ACSL1: variants seen among roughly 807,000 people sequenced by gnomAD.
ACSL1 encodes acyl-CoA synthetase long chain family member 1.
ACSL1 carries 41 observed loss-of-function variants against 98.4 expected under a neutral mutation model. The observed-to-expected ratio is 0.42, with a 90% confidence interval of 0.32 to 0.54. The LOEUF is 0.54. ACSL1 is among the 20% of genes least tolerant of loss of function. The pLI, the probability that ACSL1 is intolerant of heterozygous loss-of-function variation, is 0.13. For synonymous variants in ACSL1, 316 were observed against 322.7 expected, an observed-to-expected ratio of 0.98 and a Z score of 0.22; for missense variants, 734 against 883.1, an observed-to-expected ratio of 0.83 and a Z score of 2.14.
intron 1 of ACSL1, among the ~76,000 whole-genome samples, chr4:184,814,857 A>G (rs370275479): frequency 1.3e-5 from 2 of 152,146 alleles, no homozygotes; most frequent in Non-Finnish European, 2.9e-5. Flanking sequence ...CTGACCTGCT[A>G]TGTGAGCCAC....
At position 184,757,195 on chromosome 4, in the gene ACSL1, G is replaced by A. The variant is rs759188602; in HGVS notation, c.2027C>T (p.Ala676Val). Residue 676 changes from alanine to valine, a missense_variant, in exon 21 of 21, where the codon GCG becomes GTG. Transcript: ENST00000281455. The surrounding 1 kb of genome is among the most constrained non-coding windows in gnomAD (Gnocchi z 4.5). ...DNGLLTPTMK[A>V]KRPELRNYFR... ...ATAGTTCCGCAGCTCTGGCCTTTTC[G>A]CCTTCATTGTTGGAGTCAGAAGGCC... 17 of 1,610,066 alleles carry A rather than the reference G, an allele frequency of 1.1e-5. No homozygotes were observed. The highest frequency in any genetic ancestry group is 4.5e-5 in the East Asian group (2 of 44,760).
At chr4:184,784,497 G>A (rs55720644) in intron 3 of ACSL1, among the ~76,000 whole-genome samples, 17,414 of 152,180 alleles carry the variant, frequency 0.11, 1,283 homozygotes, top group Non-Finnish European at 0.16. Context: ...AGTTACATGG[G>A]TGAAGTCATG....
chr4:184,777,411 T>A (rs1461280614), intron 5 of ACSL1, among the ~76,000 whole-genome samples: 1 of 150,232 alleles, frequency 6.7e-6, no homozygotes, highest in East Asian at 2.0e-4. Context: ...TGAGCTGTGA[T>A]CACACCAGTG....
intron 2 of ACSL1, among the ~76,000 whole-genome samples, chr4:184,793,906 A>G (rs1484035334): frequency 1.3e-5 from 2 of 152,234 alleles, no homozygotes; most frequent in Non-Finnish European, 2.9e-5. Context: ...AGTCCCTGAT[A>G]TAAAATGGCA....
chr4:184,763,180 T>C lies in ACSL1; in HGVS notation c.1508A>G (p.Glu503Gly). 1.2e-6 allele frequency: 2 copies of C among 1,613,670 alleles called. No homozygotes were observed. The highest frequency in any genetic ancestry group is 1.7e-6 in the Non-Finnish European group (2 of 1,179,946). The change falls in exon 16 of 21, where the codon GAG becomes GGG. Residue 503 changes from glutamate (E) to glycine (G), a missense_variant. Transcript: ENST00000281455. ...DVEEMNYMAA[E>G]GEGEVCVKGP... The stretch of plus-strand genomic sequence containing the variant: ...GTTTTCACTCACCTCGCCCTCGCCC[T>C]CGGCAGCCATGTAATTCATTTCTTC...
intron 2 of ACSL1, chr4:184,798,240 C>T (rs1163408633): frequency 1.3e-5 from 2 of 152,176 alleles, no homozygotes; most frequent in African/African-American, 4.8e-5. Context: ...AACCTTAATC[C>T]AGGTTCTGAT....
chr4:184,781,777 T>TTTTTGTA (rs1766313136), intron 4 of ACSL1, among the ~76,000 whole-genome samples: 1 of 152,096 alleles, frequency 6.6e-6, no homozygotes, highest in African/African-American at 2.4e-5. Flanking sequence ...ACTCAGCTGA[T>TTTTTGTA]TTTTGTATTT....
chr4:184,780,582 TTTTTTGGTAAAACACAAGG>T, intron 4 of ACSL1, 149 bp from the exon 5 acceptor site: 1 of 559,754 alleles, frequency 1.8e-6, no homozygotes, highest in African/African-American at 1.9e-5. Context: ...TATTGATAGA[TTTTTTGGTAAAACACAAGG>T]TTTTATTCAC....
intron 7 of ACSL1, among the ~76,000 whole-genome samples, chr4:184,775,815 A>T (rs1765202132): frequency 1.3e-5 from 2 of 152,168 alleles, no homozygotes; most frequent in African/African-American, 4.8e-5. Context: ...TTTTCCTATG[A>T]CTTGTTATGA....
chr4:184,794,111 C>T (rs58055799), intron 2 of ACSL1, among the ~76,000 whole-genome samples: 15,416 of 152,246 alleles, frequency 0.1, 953 homozygotes, highest in Non-Finnish European at 0.14. Flanking sequence ...TTTTAATCCA[C>T]GGATACAGAG....
At chr4:184,787,867 G>GA (rs59958161) in intron 3 of ACSL1, among the ~76,000 whole-genome samples, 113,302 of 147,986 alleles carry the variant, frequency 0.77, 44,715 homozygotes, top group East Asian at 0.99. Flanking sequence ...TCCGTCCAAA[G>GA]AAAAAAAAAA....
chr4:184,817,865 G>A (rs1184790186), intron 1 of ACSL1, among the ~76,000 whole-genome samples: 1 of 152,158 alleles, frequency 6.6e-6, no homozygotes, highest in South Asian at 2.1e-4. Flanking sequence ...TCCAGGGCTG[G>A]CCTCCTCTGA....
chr4:184,810,666 G>C (rs1771963293), intron 1 of ACSL1, among the ~76,000 whole-genome samples: 1 of 152,158 alleles, frequency 6.6e-6, no homozygotes, highest in African/African-American at 2.4e-5. Context: ...AGTGCCTCCT[G>C]ACCTCAGGGC....
intron 7 of ACSL1, among the ~76,000 whole-genome samples, chr4:184,774,290 G>A (rs1268377929): frequency 6.6e-6 from 1 of 152,124 alleles, no homozygotes; most frequent in African/African-American, 2.4e-5. Context: ...TCAGAGCACA[G>A]CACTACCTCA....
At chr4:184,783,333 C>T (rs560925410) in intron 4 of ACSL1, among the ~76,000 whole-genome samples, 9 of 152,338 alleles carry the variant, frequency 5.9e-5, no homozygotes, top group African/African-American at 1.9e-4. Flanking sequence ...TACAGTAACA[C>T]AAGTGCCTTC....
At chr4:184,772,767 G>C (rs1764699638) in intron 10 of ACSL1, among the ~76,000 whole-genome samples, 1 of 152,178 alleles carries the variant, frequency 6.6e-6, no homozygotes, top group Non-Finnish European at 1.5e-5. Context: ...AAACACAAGA[G>C]AGTCCATCTC....
At chr4:184,809,720 T>C (rs1271484628) in intron 1 of ACSL1, among the ~76,000 whole-genome samples, 2 of 152,092 alleles carry the variant, frequency 1.3e-5, no homozygotes, top group Admixed American at 6.5e-5. Flanking sequence ...GGTGTGAACC[T>C]GGGAAGCGGA....
At chr4:184,818,380 TA>T (rs1398662241) in intron 1 of ACSL1, among the ~76,000 whole-genome samples, 1 of 152,172 alleles carries the variant, frequency 6.6e-6, no homozygotes, top group Non-Finnish European at 1.5e-5. Flanking sequence ...CAAGTGAAAC[TA>T]CACGGAAAGA....
intron 1 of ACSL1, chr4:184,813,512 A>T (rs1377615479): frequency 5.4e-6 from 1 of 185,754 alleles, no homozygotes; most frequent in Non-Finnish European, 1.2e-5. Context: ...CATGAACTGG[A>T]TCAATACGGC....
Sources: allele counts gnomAD v4.1 joint callset (sites outside exome capture counted in the v4.1 genomes callset), GRCh38; gene constraint gnomAD v4.1.1; non-coding constraint Gnocchi (gnomAD v3.1); transcripts MANE v1.5; gene names NCBI Gene and HGNC (gene_info 2026-07-23, HGNC 2026-07-21).